Variants in PAPOLG observed in about 807,000 individuals in gnomAD.
PAPOLG encodes the protein PAP-gamma.
Under a neutral mutation model 99.0 loss-of-function variants are expected in PAPOLG, and 40 were observed. The ratio of observed to expected loss-of-function variants is 0.40; its 90% CI spans 0.31 to 0.53. The LOEUF (loss-of-function observed/expected upper bound fraction) is 0.53, where lower values mean the gene tolerates loss of function less well. Ranked by LOEUF, PAPOLG falls within the 20% of genes least tolerant of loss-of-function variation. The pLI is 0.41. For synonymous variants in PAPOLG, 310 were observed against 299.3 expected, an observed-to-expected ratio of 1.04 and a Z score of -0.37; for missense variants, 675 against 884.1, an observed-to-expected ratio of 0.76 and a Z score of 3.00.
intron 3 of PAPOLG, among the ~76,000 whole-genome samples, chr2:60,766,390 A>T (rs567435927): frequency 1.3e-4 from 20 of 152,180 alleles, no homozygotes; most frequent in Non-Finnish European, 2.8e-4. Flanking sequence ...GAAGCTGGAC[A>T]TGGTGGCTCA....
intron 8 of PAPOLG, among the ~76,000 whole-genome samples, chr2:60,778,752 A>G (rs1190602476): frequency 6.6e-6 from 1 of 152,216 alleles, no homozygotes; most frequent in East Asian, 1.9e-4. Context: ...TGTATACTTA[A>G]GATAAAGTAA....
Position 60,797,127 on chromosome 2 carries a change from CA to C in PAPOLG, c.2183del (p.Asn728IlefsTer5). 1 of 1,614,104 alleles carries C rather than the reference CA, an allele frequency of 6.2e-7. No homozygotes were observed. Among genetic ancestry groups the C allele is most frequent in the Non-Finnish European group, 8.5e-7 (1 of 1,179,964 alleles). Reference sequence around the variant, plus strand: ...TTCCAGCAAACAACATCCGTGTCATCAAAAATTCCATTCGACTGACCCTTAA... The same window carrying C: ...TTCCAGCAAACAACATCCGTGTCATCAAAATTCCATTCGACTGACCCTTAA... ...PVPANNIRVI[K>X]NSIRLTLNR On this transcript the variant is annotated frameshift_variant, in exon 22 of 22. Coordinates refer to ENST00000238714, the MANE Select transcript of PAPOLG (RefSeq NM_022894.4). LOFTEE classifies it high-confidence loss of function.
chr2:60,785,707 T>A (rs1327879301), intron 13 of PAPOLG, among the ~76,000 whole-genome samples: 1 of 150,794 alleles, frequency 6.6e-6, no homozygotes. Context: ...TTTTTTTTTT[T>A]ATCTTATAGG....
At chr2:60,779,807 A>G (rs1671135726) in intron 9 of PAPOLG, 32 bp downstream of exon 9, 1 of 1,564,936 alleles carries the variant, frequency 6.4e-7, no homozygotes, top group East Asian at 2.2e-5. Flanking sequence ...TTGACTGTTT[A>G]CTAATCTCTA....
chr2:60,791,499 C>G (rs1042123008), intron 15 of PAPOLG: 4 of 225,130 alleles, frequency 1.8e-5, no homozygotes, highest in African/African-American at 9.2e-5. Context: ...TTGTGGTGAG[C>G]TGAGATTGCG....
chr2:60,767,617 A>G (rs1670720141), intron 3 of PAPOLG, among the ~76,000 whole-genome samples: 1 of 152,130 alleles, frequency 6.6e-6, no homozygotes, highest in Non-Finnish European at 1.5e-5. Context: ...TTTTAATTAC[A>G]TTATAATCCA....
chr2:60,793,696 C>T lies in PAPOLG; in HGVS notation c.1749C>T (p.Ser583=). 2 of 1,613,250 alleles carry T rather than the reference C, an allele frequency of 1.2e-6. No individual in the cohort carries two copies. Among genetic ancestry groups the T allele is most frequent in the Non-Finnish European group, 1.7e-6 (2 of 1,179,464 alleles). The change falls in exon 18 of 22, where the codon TCC becomes TCT. Residue 583 remains serine, a synonymous_variant. Coordinates refer to ENST00000238714, the MANE Select transcript of PAPOLG (RefSeq NM_022894.4). The part of the protein sequence containing the change: ...PLSVPPAQGL[S]IPVIGAKVDS... ...GTGTACCACCAGCCCAAGGACTTTC[C>T]ATTCCAGTGATTGGCGCAAGTAGGT...
intron 5 of PAPOLG, among the ~76,000 whole-genome samples, chr2:60,769,435 CTAAA>C (rs1328137667): frequency 6.6e-6 from 1 of 152,050 alleles, no homozygotes; most frequent in African/African-American, 2.4e-5. Context: ...GTTATGTGAA[CTAAA>C]TAAACAAAAC....
rs1573221591 is a variant in PAPOLG at position 60,765,265 on chromosome 2, A to C, written c.247-3205A>C. Reference sequence around the variant, plus strand: ...TTTTTTTTTTTTTTTTTTGGTAGAGATGGGGTCTTGCCATGTTGCCCAGGC... The same window carrying C: ...TTTTTTTTTTTTTTTTTTGGTAGAGCTGGGGTCTTGCCATGTTGCCCAGGC... On this transcript the variant is annotated intron_variant, in intron 3 of 21. Transcript: ENST00000238714. Among the ~76,000 whole-genome samples the C allele has an allele frequency of 2.3e-5, 3 of 130,072 alleles. No individual in the cohort carries two copies. The Admixed American group carries it at 2.5e-4, about 11-fold the overall frequency. 85.3% of individuals were successfully genotyped at this position (130,072 alleles called of 152,430 possible).
intron 1 of PAPOLG, 147 bp downstream of exon 1, chr2:60,756,642 A>G (rs1373655947): frequency 4.5e-6 from 4 of 882,758 alleles, no homozygotes; most frequent in Non-Finnish European, 6.8e-6. Context: ...GCCGGTCCGC[A>G]AGGGCACCTC....
chr2:60,795,435 A>G, intron 21 of PAPOLG: 1 of 303,330 alleles, frequency 3.3e-6, no homozygotes, highest in East Asian at 9.7e-5. Context: ...ATGTAGTGGT[A>G]TATATAGTAA....
Position 60,760,274 on chromosome 2 carries a change from A to G in PAPOLG, c.158A>G (p.Asp53Gly), listed in dbSNP as rs774013569. The G allele has an allele frequency of 6.2e-7, 1 of 1,613,266 alleles. No homozygotes were observed. The highest frequency in any genetic ancestry group is 1.7e-4 in the Middle Eastern group (1 of 6,058). Residue 53 changes from aspartate (D) to glycine (G), a missense_variant, in exon 2 of 22, where the codon GAT (aspartate) becomes GGT (glycine). Coordinates refer to ENST00000238714, the MANE Select transcript of PAPOLG (RefSeq NM_022894.4). ...ATGAAACCATTTGGAGTGTTTGAAG[A>G]TGAGGAAGAATTGAACCACAGGTAT... is the stretch of plus-strand genomic sequence containing the variant. Reference protein sequence around the residue: ...DAMKPFGVFEDEEELNHRLVV... With the variant: ...DAMKPFGVFEGEEELNHRLVV...
At chr2:60,776,383 T>C (rs1448234638) in intron 8 of PAPOLG, among the ~76,000 whole-genome samples, 1 of 150,452 alleles carries the variant, frequency 6.6e-6, no homozygotes, top group Non-Finnish European at 1.5e-5. Flanking sequence ...TTAAGGGCGC[T>C]GGGATTTTGG....
intron 13 of PAPOLG, among the ~76,000 whole-genome samples, chr2:60,784,081 C>A (rs1671284430): frequency 6.6e-6 from 1 of 152,244 alleles, no homozygotes; most frequent in Non-Finnish European, 1.5e-5. Flanking sequence ...TCAAGCAATT[C>A]TCTGCCTCAG....
At chr2:60,763,710 G>A (rs1016359165) in intron 3 of PAPOLG, among the ~76,000 whole-genome samples, 7 of 150,126 alleles carry the variant, frequency 4.7e-5, no homozygotes, top group African/African-American at 1.7e-4. Flanking sequence ...CACCATAATG[G>A]TCAGGCTGGT....
intron 7 of PAPOLG, among the ~76,000 whole-genome samples, chr2:60,773,221 G>C (rs1403690267): frequency 6.6e-6 from 1 of 152,122 alleles, no homozygotes; most frequent in Non-Finnish European, 1.5e-5. Flanking sequence ...CACCGTGCCC[G>C]GACTTCACTG....
At chr2:60,767,282 A>C (rs182534777) in intron 3 of PAPOLG, among the ~76,000 whole-genome samples, 36 of 152,048 alleles carry the variant, frequency 2.4e-4, no homozygotes, top group Middle Eastern at 3.4e-3. Context: ...TTGAGTGACT[A>C]TCTGATGGGC....
intron 8 of PAPOLG, among the ~76,000 whole-genome samples, chr2:60,776,120 T>C (rs558409898): frequency 1.8e-4 from 27 of 152,338 alleles, no homozygotes; most frequent in Admixed American, 1.6e-3. Flanking sequence ...CCATGGGCTA[T>C]AGAATAGATG....
chr2:60,798,367 A>ATGT lies in PAPOLG; in HGVS notation c.*1210_*1212dup, dbSNP rs1671772106. On this transcript the variant is annotated 3_prime_UTR_variant, in exon 22 of 22. Transcript: ENST00000238714. ...TCCATAACCATGTAATTCTTGTAATATGTTGATTCAGTGTTTTGTAAATGA... is the reference window on the plus strand; with the variant it reads ...TCCATAACCATGTAATTCTTGTAATATGTTGTTGATTCAGTGTTTTGTAAATGA... 1 of 152,742 alleles carries ATGT rather than the reference A, an allele frequency of 6.5e-6. No individual in the cohort carries two copies. The highest frequency in any genetic ancestry group is 2.1e-4 in the South Asian group (1 of 4,830). The allele number at this position is 152,742 out of a possible 1,614,324, so 9.5% of individuals were successfully genotyped here.
Sources: allele counts gnomAD v4.1 joint callset (sites outside exome capture counted in the v4.1 genomes callset), GRCh38; gene constraint gnomAD v4.1.1; transcripts MANE v1.5; gene names NCBI Gene and HGNC (gene_info 2026-07-23, HGNC 2026-07-21).